The following ARSK variants were observed in gnomAD, a reference collection of about 807,000 sequenced individuals.
ARSK encodes the protein arylsulfatase K.
A neutral mutation model predicts 53.2 loss-of-function variants in ARSK; 37 were observed. The observed-to-expected ratio is 0.70, with a 90% CI of 0.54 to 0.92. The LOEUF is 0.92. ARSK is among the 40% of genes least tolerant of loss of function. ARSK has a pLI of 0.00. For missense variants in ARSK, 613 were observed against 643.0 expected (o/e 0.95, Z 0.51); for synonymous variants, 208 against 223.2 (o/e 0.93, Z 0.61).
In ARSK at chr5:95,555,146, C is replaced by T. The variant is rs2112401972; in HGVS notation, c.-133C>T. On this transcript the variant is annotated 5_prime_UTR_variant, in exon 1 of 8. Transcript: ENST00000380009. This position sits in a 1 kb window ranked among gnomAD's most constrained non-coding sequence, Gnocchi z 4.0. ...AGGAGTTGTAGTTCTGCGGGTGAAG[C>T]TCGGCGTTACTATCAAGCAACCAAA... 2.8e-6 allele frequency: 2 copies of T among 726,840 alleles called. No homozygotes were observed. Among genetic ancestry groups the T allele is most frequent in the Non-Finnish European group, 4.3e-6 (2 of 462,954 alleles). 45.0% of individuals were successfully genotyped at this position (726,840 alleles called of 1,614,324 possible). A position where few individuals can be genotyped will look rare whatever the true frequency, so the allele number is the denominator to read the frequency against.
chr5:95,595,315 C>T (rs980025210), intron 6 of ARSK, among the ~76,000 whole-genome samples: 10 of 152,158 alleles, frequency 6.6e-5, no homozygotes, highest in African/African-American at 2.4e-4. Context: ...CCATTAGACC[C>T]AGCAATCCCA....
chr5:95,583,119 CA>C lies in ARSK; in HGVS notation c.621del (p.His208ThrfsTer46). On this transcript the variant is annotated frameshift_variant, in exon 4 of 8. Coordinates refer to ENST00000380009, the MANE Select transcript of ARSK (RefSeq NM_198150.3). LOFTEE classifies it high-confidence loss of function. ...GTTATTTACTTGGGATTAAATTTAC[CA>C]CACCCTTACCCTTCACCATCTTCTG... Reference protein sequence around the residue: ...PFVIYLGLNLPHPYPSPSSGE... With the variant: ...PFVIYLGLNLXHPYPSPSSGE... 6.2e-7 allele frequency: 1 copy of C among 1,613,168 alleles called. No individual in the cohort carries two copies. The highest frequency in any genetic ancestry group is 1.3e-5 in the African/African-American group (1 of 75,008).
chr5:95,578,856 A>G (rs1380810736), intron 3 of ARSK, among the ~76,000 whole-genome samples: 1 of 152,244 alleles, frequency 6.6e-6, no homozygotes, highest in Admixed American at 6.5e-5. Context: ...TAGCAGTAGA[A>G]TTTGGCACAC....
chr5:95,587,861 G>A (rs748650345), intron 5 of ARSK, among the ~76,000 whole-genome samples: 2 of 149,782 alleles, frequency 1.3e-5, no homozygotes, highest in Non-Finnish European at 3.0e-5. Flanking sequence ...AGTGGAGATC[G>A]TGCCACTGCA....
chr5:95,583,497 A>G (rs1359676165), intron 4 of ARSK, among the ~76,000 whole-genome samples: 6 of 152,180 alleles, frequency 3.9e-5, no homozygotes, highest in Admixed American at 2.0e-4. Context: ...TCCAGATTGT[A>G]AAAATGACCA....
chr5:95,568,890 C>T lies in ARSK; in HGVS notation c.416+841C>T, dbSNP rs565942701. Among the ~76,000 whole-genome samples the T allele has an allele frequency of 9.2e-5, 14 of 152,206 alleles. No individual in the cohort carries two copies. The South Asian group carries it at 2.9e-3, about 32-fold the overall frequency. ...AGAGGGTGCTTATATAATCAGCACC[C>T]CCGCCTAAAAAACTTGGGTACTGAT... On this transcript the variant is annotated intron_variant, in intron 3 of 7. Transcript: ENST00000380009.
At chr5:95,582,809 A>G in intron 3 of ARSK, 107 bp from the exon 4 acceptor site, 1 of 1,072,466 alleles carries the variant, frequency 9.3e-7, no homozygotes, top group Non-Finnish European at 1.3e-6. Flanking sequence ...CATTTACAAG[A>G]CTGAGTCTAA....
intron 7 of ARSK, among the ~76,000 whole-genome samples, chr5:95,602,845 T>C (rs963234883): frequency 2.0e-5 from 3 of 152,110 alleles, no homozygotes; most frequent in Admixed American, 2.0e-4. Context: ...ATATAAAGAA[T>C]TTGTAGAAAG....
At chr5:95,581,067 GA>G (rs1049434643) in intron 3 of ARSK, 9 of 397,336 alleles carry the variant, frequency 2.3e-5, no homozygotes, top group Middle Eastern at 1.5e-3. Context: ...CCATGCTTAT[GA>G]AAAGGCAAGA....
intron 6 of ARSK, among the ~76,000 whole-genome samples, chr5:95,600,180 C>T (rs1749378929): frequency 6.6e-6 from 1 of 152,126 alleles, no homozygotes; most frequent in African/African-American, 2.4e-5. Flanking sequence ...ATATAATCCA[C>T]AATTCCTGAA....
intron 6 of ARSK, among the ~76,000 whole-genome samples, chr5:95,598,154 C>T (rs1306255752): frequency 2.0e-5 from 3 of 152,058 alleles, no homozygotes; most frequent in African/African-American, 7.2e-5. Flanking sequence ...GCATTTTTAC[C>T]ATTTGTTTAC....
intron 4 of ARSK, among the ~76,000 whole-genome samples, chr5:95,586,344 G>GAT: frequency 6.6e-6 from 1 of 152,070 alleles, no homozygotes; most frequent in African/African-American, 2.4e-5. Flanking sequence ...ACTATCTCAT[G>GAT]ATATATATAC....
At position 95,592,480 on chromosome 5, in the gene ARSK, G is replaced by A. The variant is rs192710793; in HGVS notation, c.1096+855G>A. Among the ~76,000 whole-genome samples the A allele has an allele frequency of 1.1e-3, 173 of 152,078 alleles. 2 individuals are homozygous for A. Among genetic ancestry groups the A allele is most frequent in the Non-Finnish European group, 1.8e-3 (123 of 67,986 alleles). ...TTATTTAGAGTTAATTTAAACCAGC[G>A]TCCTTTCCTCTTTTATTTCATATCC... On this transcript the variant is annotated intron_variant, in intron 6 of 7. Coordinates refer to ENST00000380009, the MANE Select transcript of ARSK (RefSeq NM_198150.3).
intron 5 of ARSK, among the ~76,000 whole-genome samples, chr5:95,588,539 A>G (rs1749160348): frequency 6.6e-6 from 1 of 151,858 alleles, no homozygotes; most frequent in Non-Finnish European, 1.5e-5. Flanking sequence ...TTTTAAATCT[A>G]CACCGGTCTT....
chr5:95,575,846 G>C (rs1168263370), intron 3 of ARSK, among the ~76,000 whole-genome samples: 1 of 152,100 alleles, frequency 6.6e-6, no homozygotes, highest in Non-Finnish European at 1.5e-5. Context: ...AGAATAATTT[G>C]ACTCCTTCCT....
intron 1 of ARSK, chr5:95,556,135 A>G: frequency 2.9e-6 from 2 of 696,788 alleles, no homozygotes; most frequent in South Asian, 3.0e-5. Context: ...CTGTGGTCAC[A>G]CAGATGTTGG....
chr5:95,583,388 C>G lies in ARSK; in HGVS notation c.699+190C>G, dbSNP rs79187281. On this transcript the variant is annotated intron_variant, in intron 4 of 7. Coordinates refer to ENST00000380009, the MANE Select transcript of ARSK (RefSeq NM_198150.3). ...GAAATAAGTGTTAAAAGTCAGAAGCCTGCTTCTGGATTGAATTCATTTGCT... is the reference window on the plus strand; with the variant it reads ...GAAATAAGTGTTAAAAGTCAGAAGCGTGCTTCTGGATTGAATTCATTTGCT... Among the ~76,000 whole-genome samples, 257 of 152,070 alleles carry G rather than the reference C, an allele frequency of 1.7e-3. 4 individuals are homozygous for G. In the East Asian group the frequency reaches 0.043, roughly 26 times the overall value.
At chr5:95,580,955 T>G in intron 3 of ARSK, 1 of 1,280,866 alleles carries the variant, frequency 7.8e-7, no homozygotes, top group Non-Finnish European at 1.0e-6. Flanking sequence ...AAAAATACCT[T>G]TTGCCTTTAA....
intron 3 of ARSK, among the ~76,000 whole-genome samples, chr5:95,574,852 G>A (rs905162195): frequency 6.6e-6 from 1 of 151,846 alleles, no homozygotes; most frequent in Non-Finnish European, 1.5e-5. Context: ...AACTTGATGT[G>A]ATCCCATTTG....
Sources: gnomAD v4.1 joint callset for allele counts (sites outside exome capture counted in the v4.1 genomes callset) on GRCh38, gnomAD v4.1.1 for gene constraint, Gnocchi (gnomAD v3.1) non-coding constraint, MANE v1.5 for transcripts, NCBI Gene and HGNC (gene_info 2026-07-23, HGNC 2026-07-21) for gene names.